CRYBG1: variants seen among roughly 807,000 people sequenced by gnomAD.
CRYBG1 encodes the protein crystallin beta-gamma domain containing 1.
CRYBG1 carries 139 observed loss-of-function variants against 189.2 expected under a neutral mutation model. The observed-to-expected ratio is 0.73, with a 90% CI of 0.64 to 0.85. CRYBG1 has a LOEUF of 0.85. CRYBG1 is among the 40% of genes least tolerant of loss of function. The probability of loss-of-function intolerance (pLI) is 0.00; values close to 1 mark genes in which losing one functional copy is unlikely to be tolerated. For missense variants in CRYBG1, 2,611 were observed against 2,675.8 expected, an observed-to-expected ratio of 0.98 and a Z score of 0.53; for synonymous variants, 1,023 against 1,017.1, an observed-to-expected ratio of 1.01 and a Z score of -0.11.
intron 1 of CRYBG1, among the ~76,000 whole-genome samples, chr6:106,430,010 T>C (rs913557667): frequency 1.3e-5 from 2 of 152,242 alleles, no homozygotes; most frequent in African/African-American, 4.8e-5. Flanking sequence ...AAAAATCCTC[T>C]TTGAATATAT....
intron 1 of CRYBG1, among the ~76,000 whole-genome samples, chr6:106,406,534 G>C (rs988092516): frequency 6.6e-6 from 1 of 152,154 alleles, no homozygotes; most frequent in Non-Finnish European, 1.5e-5. Flanking sequence ...GAAATACAGA[G>C]AACACCACAA....
chr6:106,403,411 G>A (rs140303002), intron 1 of CRYBG1, among the ~76,000 whole-genome samples: 1,786 of 152,278 alleles, frequency 0.012, 34 homozygotes, highest in African/African-American at 0.041. Flanking sequence ...ACATGATTCC[G>A]CGTTGTGGGA....
Position 106,512,909 on chromosome 6 carries a change from C to G in CRYBG1, c.1792C>G (p.Arg598Gly), listed in dbSNP as rs778502167. 2.5e-6 allele frequency: 4 copies of G among 1,605,204 alleles called. No individual in the cohort carries two copies. The highest frequency in any genetic ancestry group is 2.2e-5 in the East Asian group (1 of 44,536). ...RGPLPNHFNG[R>G]AEGGRSRELG... ...CCCGCTCCCCAACCACTTCAACGGCCGGGCAGAGGGAGGTCGAAGCAGAGA... is the reference window on the plus strand; with the variant it reads ...CCCGCTCCCCAACCACTTCAACGGCGGGGCAGAGGGAGGTCGAAGCAGAGA... The change falls in exon 3 of 22, where the codon CGG becomes GGG. Residue 598 changes from arginine (R) to glycine (G), a missense_variant. Physicochemically the swap from Arg to Gly is moderately radical, Grantham distance 125 (BLOSUM62 -2). Coordinates refer to ENST00000633556, the MANE Select transcript of CRYBG1 (RefSeq NM_001371242.2).
chr6:106,517,788 T>G (rs1431858164), intron 3 of CRYBG1, among the ~76,000 whole-genome samples: 1 of 152,120 alleles, frequency 6.6e-6, no homozygotes, highest in Admixed American at 6.6e-5. Flanking sequence ...TTGACCAGGT[T>G]CACACAGATA....
intron 1 of CRYBG1, 143 bp downstream of exon 1, chr6:106,361,224 C>G (rs1771862010): frequency 9.5e-7 from 1 of 1,053,778 alleles, no homozygotes; most frequent in Admixed American, 3.2e-5. Flanking sequence ...TACCCGGGTC[C>G]GGAGGGGAGC....
At chr6:106,411,217 G>C (rs1004527748) in intron 1 of CRYBG1, among the ~76,000 whole-genome samples, 4 of 152,168 alleles carry the variant, frequency 2.6e-5, no homozygotes, top group South Asian at 2.1e-4. Context: ...ACCACAAGCT[G>C]CTGGGTTTCT....
At chr6:106,420,860 G>C (rs916072103) in intron 1 of CRYBG1, 94 of 152,198 alleles carry the variant, frequency 6.2e-4, no homozygotes, top group African/African-American at 2.2e-3. Context: ...TTACATTTTT[G>C]GTAAGCCTCT....
At chr6:106,377,619 T>TG (rs1562290407) in intron 1 of CRYBG1, among the ~76,000 whole-genome samples, 2,484 of 122,370 alleles carry the variant, frequency 0.02, 123 homozygotes, top group South Asian at 0.048. Context: ...AGTCCTAAGG[T>TG]TTTATATATA....
At chr6:106,371,815 T>C (rs532726) in intron 1 of CRYBG1, among the ~76,000 whole-genome samples, 92,290 of 152,108 alleles carry the variant, frequency 0.61, 29,034 homozygotes, top group East Asian at 0.89. Flanking sequence ...ATTGTCGTAA[T>C]GTTACCCTGT....
At position 106,499,301 on chromosome 6, in the gene CRYBG1, G is replaced by A. The variant is rs911374379; in HGVS notation, c.313-12129G>A. On this transcript the variant is annotated intron_variant, in intron 2 of 21. Transcript: ENST00000633556. Reference sequence around the variant, plus strand: ...CCAAGTAGCTGGGATTACAGGTGCCGGCCACCACACCCGGCTAATTTTTTT... The same window carrying A: ...CCAAGTAGCTGGGATTACAGGTGCCAGCCACCACACCCGGCTAATTTTTTT... Among the ~76,000 whole-genome samples, 19 of 149,348 alleles carry A rather than the reference G, an allele frequency of 1.3e-4. No individual in the cohort carries two copies. In the East Asian group the frequency reaches 1.4e-3, roughly 11 times the overall value.
In CRYBG1 at chr6:106,549,661, G is replaced by A. The variant is rs942701058; in HGVS notation, c.5313-2191G>A. Among the ~76,000 whole-genome samples the A allele has an allele frequency of 3.3e-5, 5 of 151,970 alleles. No individual in the cohort carries two copies. The East Asian group carries it at 9.6e-4, about 29-fold the overall frequency. On this transcript the variant is annotated intron_variant, in intron 13 of 21. Coordinates refer to ENST00000633556, the MANE Select transcript of CRYBG1 (RefSeq NM_001371242.2). ...GTTCTGAAATCGGGGGATGGGGGGTGGTAGGGGGCTGTATTTCCTGAAAGA... is the reference window on the plus strand; with the variant it reads ...GTTCTGAAATCGGGGGATGGGGGGTAGTAGGGGGCTGTATTTCCTGAAAGA...
chr6:106,512,646 C>T lies in CRYBG1; in HGVS notation c.1529C>T (p.Ser510Leu). The T allele has an allele frequency of 6.3e-7, 1 of 1,585,664 alleles. No individual in the cohort carries two copies. Among genetic ancestry groups the T allele is most frequent in the South Asian group, 1.1e-5 (1 of 87,596 alleles). The change falls in exon 3 of 22, where the codon TCG becomes TTG. Residue 510 changes from serine to leucine, a missense_variant. Around this residue, in one of 3 missense-constraint regions of CRYBG1, gnomAD observed 985 missense variants for 924.4 expected, o/e 1.07. Transcript: ENST00000633556. ...SDRSKQPPPA[S>L]SPTKRKGRSR... Reference sequence around the variant, plus strand: ...CGGAGCAAACAGCCACCCCCGGCTTCGTCCCCCACGAAGAGGAAGGGCAGG... The same window carrying T: ...CGGAGCAAACAGCCACCCCCGGCTTTGTCCCCCACGAAGAGGAAGGGCAGG...
At chr6:106,456,082 C>T (rs1238914118) in intron 2 of CRYBG1, among the ~76,000 whole-genome samples, 2 of 152,112 alleles carry the variant, frequency 1.3e-5, no homozygotes, top group Admixed American at 6.6e-5. Context: ...CCAAATCATC[C>T]AAAACAAAGA....
At chr6:106,524,054 T>A (rs530493567) in intron 4 of CRYBG1, among the ~76,000 whole-genome samples, 1 of 152,128 alleles carries the variant, frequency 6.6e-6, no homozygotes, top group Non-Finnish European at 1.5e-5. Context: ...TCTGGGCATA[T>A]CACACTCTGG....
intron 1 of CRYBG1, among the ~76,000 whole-genome samples, chr6:106,422,860 G>T (rs1389665240): frequency 6.6e-6 from 1 of 152,190 alleles, no homozygotes; most frequent in Non-Finnish European, 1.5e-5. Flanking sequence ...ATGGGAGCAT[G>T]ATTAGGTGCC....
intron 4 of CRYBG1, among the ~76,000 whole-genome samples, chr6:106,522,980 G>C (rs549933837): frequency 6.6e-6 from 1 of 152,256 alleles, no homozygotes; most frequent in African/African-American, 2.4e-5. Context: ...TATGGGTTCT[G>C]CCTATCAGAA....
intron 1 of CRYBG1, among the ~76,000 whole-genome samples, chr6:106,437,346 G>A (rs1258376098): frequency 6.6e-6 from 1 of 151,606 alleles, no homozygotes; most frequent in African/African-American, 2.4e-5. Flanking sequence ...GTATTTTCTT[G>A]GCTTGTTATT....
chr6:106,516,025 A>C (rs1334101097), intron 3 of CRYBG1, among the ~76,000 whole-genome samples: 2 of 151,926 alleles, frequency 1.3e-5, no homozygotes, highest in African/African-American at 4.8e-5. Context: ...TCCTGGGTTC[A>C]AGTGATCCAC....
intron 2 of CRYBG1, among the ~76,000 whole-genome samples, chr6:106,486,816 G>A (rs533143107): frequency 3.3e-5 from 5 of 152,012 alleles, no homozygotes; most frequent in African/African-American, 1.2e-4. Flanking sequence ...TGCCTTTAAT[G>A]GTGAGGTTCA....
Sources: allele counts gnomAD v4.1 joint callset (sites outside exome capture counted in the v4.1 genomes callset), GRCh38; gene constraint gnomAD v4.1.1; regional missense constraint gnomAD v4.1.1; transcripts MANE v1.5; gene names NCBI Gene and HGNC (gene_info 2026-07-23, HGNC 2026-07-21).